The following PPFIBP2 variants were observed in gnomAD, a reference collection of about 807,000 sequenced individuals.
PPFIBP2 encodes PPFIB scaffold protein 2, also known as liprin-beta-2.
Under a neutral mutation model 118.3 loss-of-function variants are expected in PPFIBP2, and 118 were observed. The observed-to-expected ratio is 1.00, with a 90% CI of 0.86 to 1.16. The LOEUF (loss-of-function observed/expected upper bound fraction) is 1.16. PPFIBP2 is among the 50% of genes most tolerant of loss of function. The pLI is 0.00. For synonymous variants in PPFIBP2, 414 were observed against 397.4 expected, an observed-to-expected ratio of 1.04 and a Z score of -0.50; for missense variants, 1,195 against 1,073.1, an observed-to-expected ratio of 1.11 and a Z score of -1.59.
At chr11:7,597,496 G>A (rs1205571039) in intron 4 of PPFIBP2, 64 bp from the exon 5 acceptor site, 9 of 1,547,638 alleles carry the variant, frequency 5.8e-6, no homozygotes, top group Middle Eastern at 1.7e-4. Context: ...CCCTGAGGTG[G>A]GGAGGCTTTC....
At position 7,630,244 on chromosome 11, in the gene PPFIBP2, C is replaced by G. The variant is rs201834510; in HGVS notation, c.965-681C>G. Among the ~76,000 whole-genome samples the G allele has an allele frequency of 1.2e-3, 188 of 151,350 alleles. 1 individual carries two copies. The highest frequency in any genetic ancestry group is 4.3e-3 in the African/African-American group (177 of 41,514). ...CTTCTGCTGCTTCTTGGGAAGAAGC[C>G]AAGCCTCTGCCAGGATGTGACTGAC... On this transcript the variant is annotated intron_variant, in intron 10 of 23. Transcript: ENST00000299492.
Position 7,565,650 on chromosome 11 carries a change from C to T in PPFIBP2, c.162C>T (p.Ile54=), listed in dbSNP as rs749482514. 3 of 1,614,188 alleles carry T rather than the reference C, an allele frequency of 1.9e-6. No homozygotes were observed. Among genetic ancestry groups the T allele is most frequent in the South Asian group, 2.2e-5 (2 of 91,078 alleles). The part of the protein sequence containing the change: ...YMNPFPVLHL[I]EDLRLALEML... ...ACCCCTTCCCGGTGCTCCATCTCAT[C>T]GAGGACTTGAGGCTGGCCTTGGAGA... The change falls in exon 3 of 24, where the codon ATC becomes ATT. Residue 54 remains isoleucine (I), a synonymous_variant. Transcript: ENST00000299492.
chr11:7,663,773 C>CAG, the PPFIBP2 span, among the ~76,000 whole-genome samples: 1 of 152,158 alleles, frequency 6.6e-6, no homozygotes, highest in East Asian at 1.9e-4. Context: ...AGTTTGATCT[C>CAG]AGACTGCTGT....
intron 1 of PPFIBP2, among the ~76,000 whole-genome samples, chr11:7,536,775 C>T (rs899153685): frequency 7.2e-5 from 11 of 152,082 alleles, no homozygotes; most frequent in East Asian, 3.9e-4. Context: ...GGAGAGTGAG[C>T]GTAAGTTGTG....
intron 5 of PPFIBP2, among the ~76,000 whole-genome samples, chr11:7,599,692 G>A (rs916717528): frequency 4.0e-5 from 6 of 149,522 alleles, no homozygotes; most frequent in East Asian, 2.0e-4. Context: ...GTGCGGTGGC[G>A]CGATCTCGGC....
intron 5 of PPFIBP2, among the ~76,000 whole-genome samples, chr11:7,604,510 A>G (rs1404863430): frequency 6.8e-6 from 1 of 147,998 alleles, no homozygotes. Flanking sequence ...ACCCATACAC[A>G]CAGACACACC....
intron 1 of PPFIBP2, among the ~76,000 whole-genome samples, chr11:7,531,697 G>A (rs1259395398): frequency 6.6e-6 from 1 of 152,134 alleles, no homozygotes; most frequent in African/African-American, 2.4e-5. Context: ...TGCTTGGGCT[G>A]CCATAACAAA....
downstream of PPFIBP2, chr11:7,657,135 T>C (rs1244501771): frequency 4.4e-6 from 1 of 229,878 alleles, no homozygotes; most frequent in Non-Finnish European, 8.8e-6. Context: ...GCCTGGAGGC[T>C]CTCACACTCG....
rs893828452 is a variant in PPFIBP2 at position 7,549,916 on chromosome 11, A to G, written c.64+377A>G. Among the ~76,000 whole-genome samples, 8 of 152,302 alleles carry G rather than the reference A, an allele frequency of 5.3e-5. No homozygotes were observed. The East Asian group carries it at 7.7e-4, about 15-fold the overall frequency. On this transcript the variant is annotated intron_variant, in intron 2 of 23. Transcript: ENST00000299492. ...TGAAATCTAGCAGACTTTGCCACCTAATGCAGGTGTCAGCGTCCTCAGATG... is the reference window on the plus strand; with the variant it reads ...TGAAATCTAGCAGACTTTGCCACCTGATGCAGGTGTCAGCGTCCTCAGATG...
chr11:7,595,228 C>T (rs1462241388), intron 4 of PPFIBP2, among the ~76,000 whole-genome samples: 1 of 152,126 alleles, frequency 6.6e-6, no homozygotes, highest in African/African-American at 2.4e-5. Flanking sequence ...GTGCGAGCTG[C>T]CTTTAGAAAG....
intron 3 of PPFIBP2, among the ~76,000 whole-genome samples, chr11:7,574,426 G>A (rs1382992643): frequency 6.6e-6 from 1 of 152,192 alleles, no homozygotes; most frequent in Non-Finnish European, 1.5e-5. Flanking sequence ...AGACCTTTGG[G>A]AGTAACTACC....
At chr11:7,551,871 C>T (rs1282790741) in intron 2 of PPFIBP2, among the ~76,000 whole-genome samples, 2 of 152,194 alleles carry the variant, frequency 1.3e-5, no homozygotes, top group African/African-American at 4.8e-5. Context: ...TCCTTAAGGC[C>T]TTGCCTTGAC....
rs1235531514 is a variant in PPFIBP2, at chr11:7,649,452, T to A, written c.1999-80T>A. On this transcript the variant is annotated intron_variant, in intron 20 of 23. Coordinates refer to ENST00000299492, the MANE Select transcript of PPFIBP2 (RefSeq NM_003621.5). ...TCCTGAGATGTGGTTGACTTGTCTATGCTTGGTCTGGTGAGGGACATCAGG... is the reference window on the plus strand; with the variant it reads ...TCCTGAGATGTGGTTGACTTGTCTAAGCTTGGTCTGGTGAGGGACATCAGG... 10 of 1,568,428 alleles carry A rather than the reference T, an allele frequency of 6.4e-6. No homozygotes were observed. In the African/African-American group the frequency reaches 1.2e-4, roughly 19 times the overall value.
downstream of PPFIBP2, chr11:7,656,723 T>TCAGA: frequency 1.6e-6 from 2 of 1,289,814 alleles, no homozygotes; most frequent in Non-Finnish European, 2.0e-6. Context: ...TGTGTCCTTT[T>TCAGA]CAGACAATGC....
At chr11:7,592,298 C>G (rs1265311601) in intron 3 of PPFIBP2, among the ~76,000 whole-genome samples, 1 of 152,086 alleles carries the variant, frequency 6.6e-6, no homozygotes, top group Non-Finnish European at 1.5e-5. Flanking sequence ...TCAGACACAC[C>G]CAAGAAAGTG....
downstream of PPFIBP2, among the ~76,000 whole-genome samples, chr11:7,657,728 C>T (rs1039760322): frequency 6.6e-6 from 1 of 152,214 alleles, no homozygotes; most frequent in Non-Finnish European, 1.5e-5. Context: ...TCCTGTCTCT[C>T]AAGGCACGGC....
intron 3 of PPFIBP2, among the ~76,000 whole-genome samples, chr11:7,591,939 G>GA (rs1859387592): frequency 2.0e-5 from 3 of 152,152 alleles, no homozygotes; most frequent in African/African-American, 4.8e-5. Flanking sequence ...TCTCATGGAG[G>GA]GTGGTGGGAG....
chr11:7,631,427 A>C (rs370459450), intron 11 of PPFIBP2, among the ~76,000 whole-genome samples: 85 of 152,224 alleles, frequency 5.6e-4, no homozygotes, highest in African/African-American at 2.0e-3. Context: ...ATGAACGAAC[A>C]TGTCTTGCTC....
chr11:7,638,711 A>G (rs904416792), intron 14 of PPFIBP2, among the ~76,000 whole-genome samples: 1 of 152,054 alleles, frequency 6.6e-6, no homozygotes, highest in Non-Finnish European at 1.5e-5. Flanking sequence ...CATTGCTTCA[A>G]TTTCTCTTTT....
Sources: allele counts gnomAD v4.1 joint callset (sites outside exome capture counted in the v4.1 genomes callset), GRCh38; gene constraint gnomAD v4.1.1; transcripts MANE v1.5; gene names NCBI Gene and HGNC (gene_info 2026-07-23, HGNC 2026-07-21).